RGS5: variants seen among roughly 807,000 people sequenced by gnomAD.
The protein encoded by RGS5 is regulator of G-protein signalling 5.
RGS5 carries 20 observed loss-of-function variants against 18.9 expected under a neutral mutation model. The observed-to-expected ratio is 1.06, with a 90% CI of 0.74 to 1.54. The LOEUF (loss-of-function observed/expected upper bound fraction) is 1.54, where lower values mean the gene tolerates loss of function less well. Ranked by LOEUF, RGS5 falls within the 40% of genes most tolerant of loss-of-function variation. RGS5 has a pLI of 0.00. For missense variants in RGS5, 201 were observed against 211.8 expected (o/e 0.95, Z 0.32); for synonymous variants, 57 against 76.2 (o/e 0.75, Z 1.31).
chr1:163,307,313 C>T (rs890347197), intron 1 of RGS5, among the ~76,000 whole-genome samples: 1 of 152,160 alleles, frequency 6.6e-6, no homozygotes. Flanking sequence ...TAATTTTCTT[C>T]CACATAAATC....
chr1:163,153,221 C>T (rs1175761604), intron 3 of RGS5, among the ~76,000 whole-genome samples: 1 of 152,060 alleles, frequency 6.6e-6, no homozygotes, highest in African/African-American at 2.4e-5. Context: ...ACTATTATGT[C>T]CCAAGCACTA....
chr1:163,288,404 T>C (rs1169125500), intron 2 of RGS5, among the ~76,000 whole-genome samples: 1 of 152,202 alleles, frequency 6.6e-6, no homozygotes, highest in Non-Finnish European at 1.5e-5. Flanking sequence ...CAACGTGTTG[T>C]GCAGCACATG....
chr1:163,281,190 C>A (rs968152693), intron 2 of RGS5, among the ~76,000 whole-genome samples: 4 of 152,148 alleles, frequency 2.6e-5, no homozygotes, highest in African/African-American at 9.7e-5. Flanking sequence ...GATTGTGAGG[C>A]CTCCCCAGCC....
At chr1:163,193,412 T>C (rs1281062147) in intron 1 of RGS5, among the ~76,000 whole-genome samples, 2 of 152,134 alleles carry the variant, frequency 1.3e-5, no homozygotes, top group African/African-American at 4.8e-5. Context: ...AAAATTCAGG[T>C]TAAGTTATTC....
rs775026069 is a variant in RGS5 at position 163,144,429 on chromosome 1, C to T, written c.*2913G>A. ...GAAAAACTGAAGTTACAGGCAACTA[C>T]CTGGGCTAATCTTAGGTTTTTTTCT... On this transcript the variant is annotated 3_prime_UTR_variant, in exon 5 of 5. Transcript: ENST00000313961. 5.3e-5 allele frequency: 8 copies of T among 152,208 alleles called. No individual in the cohort carries two copies. Among genetic ancestry groups the T allele is most frequent in the Non-Finnish European group, 8.8e-5 (6 of 68,020 alleles). The allele number at this position is 152,208 out of a possible 1,614,324, so 9.4% of individuals were successfully genotyped here.
At chr1:163,222,157 C>G (rs747852624), upstream of RGS5, among the ~76,000 whole-genome samples, 1 of 152,092 alleles carries the variant, frequency 6.6e-6, no homozygotes, top group African/African-American at 2.4e-5. Context: ...CTGATCAGTA[C>G]CAGTTCGTGA....
intron 1 of RGS5, among the ~76,000 whole-genome samples, chr1:163,180,659 G>T (rs1178698386): frequency 7.2e-6 from 1 of 138,030 alleles, no homozygotes; most frequent in East Asian, 2.0e-4. Flanking sequence ...CCCTCATGCT[G>T]CCCCTTTGTA....
At chr1:163,282,668 C>A (rs1278658318) in intron 2 of RGS5, among the ~76,000 whole-genome samples, 1 of 152,062 alleles carries the variant, frequency 6.6e-6, no homozygotes, top group African/African-American at 2.4e-5. Context: ...TATGATGGTG[C>A]CACTGCACTC....
chr1:163,151,221 CAA>C (rs1448381494), intron 4 of RGS5, among the ~76,000 whole-genome samples: 1 of 152,140 alleles, frequency 6.6e-6, no homozygotes, highest in Non-Finnish European at 1.5e-5. Flanking sequence ...TATTGGCTTT[CAA>C]CATCTCTAAC....
chr1:163,195,102 A>G (rs1184238867), intron 1 of RGS5, among the ~76,000 whole-genome samples: 1 of 152,184 alleles, frequency 6.6e-6, no homozygotes, highest in Non-Finnish European at 1.5e-5. Flanking sequence ...GCCCAAAGGA[A>G]AAGAAGTCAT....
At chr1:163,187,336 A>C (rs4657252) in intron 1 of RGS5, among the ~76,000 whole-genome samples, 119,920 of 152,154 alleles carry the variant, frequency 0.79, 47,675 homozygotes, top group East Asian at 0.95. Context: ...CCCTAGTCAC[A>C]TATAGTATGT....
intron 1 of RGS5, among the ~76,000 whole-genome samples, chr1:163,168,922 T>A (rs988632555): frequency 6.6e-6 from 1 of 152,142 alleles, no homozygotes; most frequent in Non-Finnish European, 1.5e-5. Context: ...GCAGGTTTGT[T>A]ACATATGTAT....
chr1:163,289,952 A>T (rs1649237253), intron 2 of RGS5, among the ~76,000 whole-genome samples: 1 of 152,200 alleles, frequency 6.6e-6, no homozygotes, highest in Admixed American at 6.5e-5. Context: ...TGCCAATAGA[A>T]AAGGGATACT....
At chr1:163,149,072 G>A (rs1657267974) in intron 4 of RGS5, among the ~76,000 whole-genome samples, 1 of 152,222 alleles carries the variant, frequency 6.6e-6, no homozygotes, top group Admixed American at 6.5e-5. Context: ...TCAAAGTCTA[G>A]GATGAAGGGC....
Position 163,272,393 on chromosome 1 carries a change from C to A in RGS5, c.-281+33840G>T, listed in dbSNP as rs538661929. Among the ~76,000 whole-genome samples the A allele has an allele frequency of 3.3e-5, 5 of 152,104 alleles. No individual in the cohort carries two copies. In the South Asian group the frequency reaches 8.3e-4, roughly 25 times the overall value. ...TTTCTTCATGGTATCCTTTGAGGCACAAAAGTTCTCAATTTTAATGAAATA... is the reference window on the plus strand; with the variant it reads ...TTTCTTCATGGTATCCTTTGAGGCAAAAAAGTTCTCAATTTTAATGAAATA... On this transcript the variant is annotated intron_variant, in intron 2 of 5. Coordinates refer to the RGS5 transcript ENST00000618415.
chr1:163,157,298 A>C (rs1657623305), intron 3 of RGS5, among the ~76,000 whole-genome samples: 1 of 152,234 alleles, frequency 6.6e-6, no homozygotes, highest in Non-Finnish European at 1.5e-5. Context: ...TTGAAGAACA[A>C]CACACTGTTT....
At chr1:163,157,117 G>A (rs1274673140) in intron 3 of RGS5, among the ~76,000 whole-genome samples, 1 of 152,158 alleles carries the variant, frequency 6.6e-6, no homozygotes, top group Non-Finnish European at 1.5e-5. Context: ...TAAATCACAA[G>A]GGTGTCTCAA....
chr1:163,242,806 T>C lies in RGS5; in HGVS notation c.-281+63427A>G, dbSNP rs1000862144. Among the ~76,000 whole-genome samples, 69 of 152,332 alleles carry C rather than the reference T, an allele frequency of 4.5e-4. 1 individual carries two copies. Among genetic ancestry groups the C allele is most frequent in the Non-Finnish European group, 4.7e-4 (32 of 68,022 alleles). On this transcript the variant is annotated intron_variant, in intron 2 of 5. Coordinates refer to the RGS5 transcript ENST00000618415. Reference sequence around the variant, plus strand: ...AATTTAGGCTTCATTACATTTTCTATAGGGAACCTCTAACGTTTTCTGAGG... The same window carrying C: ...AATTTAGGCTTCATTACATTTTCTACAGGGAACCTCTAACGTTTTCTGAGG...
intron 2 of RGS5, among the ~76,000 whole-genome samples, chr1:163,296,781 G>C (rs958917893): frequency 1.3e-5 from 2 of 152,098 alleles, no homozygotes; most frequent in African/African-American, 4.8e-5. Flanking sequence ...AGTGCTCAAG[G>C]TACACTACCC....
Sources: gnomAD v4.1 joint callset for allele counts (sites outside exome capture counted in the v4.1 genomes callset) on GRCh38, gnomAD v4.1.1 for gene constraint, MANE v1.5 for transcripts, NCBI Gene and HGNC (gene_info 2026-07-23, HGNC 2026-07-21) for gene names.